Variants in CTNND2 observed in about 807,000 individuals in gnomAD.
The protein encoded by CTNND2 is catenin delta-2.
A neutral mutation model predicts 144.4 loss-of-function variants in CTNND2; 22 were observed. That is an observed-to-expected ratio of 0.15 (90% CI 0.11 to 0.22). The LOEUF (loss-of-function observed/expected upper bound fraction) is 0.22, where lower values mean the gene tolerates loss of function less well. Among genes scored for constraint, CTNND2 ranks in the 10% least tolerant of loss-of-function variants. The probability of loss-of-function intolerance (pLI) is 1.00; values close to 1 mark genes in which losing one functional copy is unlikely to be tolerated. For synonymous variants in CTNND2, 751 were observed against 695.6 expected (o/e 1.08, Z -1.25); for missense variants, 1,353 against 1,618.8 (o/e 0.84, Z 2.82).
At chr5:11,590,615 G>A (rs1413168221) in intron 2 of CTNND2, among the ~76,000 whole-genome samples, 1 of 151,190 alleles carries the variant, frequency 6.6e-6, no homozygotes, top group Non-Finnish European at 1.5e-5. Context: ...CTGCCCTTGT[G>A]ACAATACACC....
At chr5:11,145,221 G>A (rs562670478) in intron 12 of CTNND2, among the ~76,000 whole-genome samples, 1 of 152,180 alleles carries the variant, frequency 6.6e-6, no homozygotes, top group African/African-American at 2.4e-5. Context: ...TTGTGCCGAA[G>A]AATATTTTAA....
chr5:11,267,581 A>G (rs1745578778), intron 9 of CTNND2, among the ~76,000 whole-genome samples: 1 of 152,196 alleles, frequency 6.6e-6, no homozygotes, highest in Non-Finnish European at 1.5e-5. Flanking sequence ...CCTGTTAACA[A>G]CGAGGGAACC....
At chr5:11,695,178 A>G (rs1479594719) in intron 2 of CTNND2, among the ~76,000 whole-genome samples, 1 of 152,234 alleles carries the variant, frequency 6.6e-6, no homozygotes, top group East Asian at 1.9e-4. Flanking sequence ...GGCTGGAAGA[A>G]GAGGGATCAC....
rs150827493 is a variant in CTNND2, at chr5:11,726,117, A to G, written c.174+6019T>C. Among the ~76,000 whole-genome samples the G allele has an allele frequency of 1.8e-3, 275 of 152,254 alleles. 4 individuals are homozygous for G. The highest frequency in any genetic ancestry group is 6.4e-3 in the African/African-American group (265 of 41,552). On this transcript the variant is annotated intron_variant, in intron 2 of 21. Coordinates refer to ENST00000304623, the MANE Select transcript of CTNND2 (RefSeq NM_001332.4). The stretch of plus-strand genomic sequence containing the variant: ...TCTTTTTTTTTCAAACCTTTGCTCC[A>G]GGCAGTGTCTGTCAAAGCAGACCCA...
chr5:11,882,991 A>G (rs1013961411), intron 1 of CTNND2, among the ~76,000 whole-genome samples: 1 of 151,998 alleles, frequency 6.6e-6, no homozygotes, highest in Non-Finnish European at 1.5e-5. Context: ...TCTTTCATCA[A>G]TATTTTATAG....
intron 9 of CTNND2, among the ~76,000 whole-genome samples, chr5:11,311,291 CACAT>C (rs1750816010): frequency 8.3e-6 from 1 of 119,906 alleles, no homozygotes; most frequent in Non-Finnish European, 1.7e-5. Context: ...ACCTCACATG[CACAT>C]ACACTCTCAT....
chr5:11,608,386 G>A (rs763080309), intron 2 of CTNND2, among the ~76,000 whole-genome samples: 14 of 152,030 alleles, frequency 9.2e-5, no homozygotes, highest in Non-Finnish European at 1.3e-4. Context: ...ACTTCTCTAA[G>A]TTCACACACC....
intron 2 of CTNND2, among the ~76,000 whole-genome samples, chr5:11,625,389 ATCTC>A (rs57148533): frequency 0.027 from 3,753 of 140,368 alleles, 154 homozygotes; most frequent in African/African-American, 0.092. Flanking sequence ...AAACAGAAAA[ATCTC>A]TCTCTCTCTC....
chr5:11,881,428 C>T (rs547137815), intron 1 of CTNND2, among the ~76,000 whole-genome samples: 1 of 152,138 alleles, frequency 6.6e-6, no homozygotes, highest in African/African-American at 2.4e-5. Flanking sequence ...CTCAGTATCC[C>T]TCCCTCCCCA....
intron 3 of CTNND2, among the ~76,000 whole-genome samples, chr5:11,561,063 A>G (rs911279991): frequency 2.6e-5 from 4 of 152,186 alleles, no homozygotes; most frequent in Non-Finnish European, 5.9e-5. Flanking sequence ...AAGCTGCCGG[A>G]TAACACCTCA....
At chr5:11,494,342 T>C (rs1315434580) in intron 3 of CTNND2, among the ~76,000 whole-genome samples, 2 of 152,150 alleles carry the variant, frequency 1.3e-5, no homozygotes, top group African/African-American at 2.4e-5. Context: ...GTAACAGACA[T>C]TTTTTGAAGT....
At chr5:11,769,251 T>C (rs1278293610) in intron 1 of CTNND2, among the ~76,000 whole-genome samples, 1 of 152,082 alleles carries the variant, frequency 6.6e-6, no homozygotes, top group Non-Finnish European at 1.5e-5. Flanking sequence ...GGGAACTTTA[T>C]GGGGTGCAAA....
intron 1 of CTNND2, among the ~76,000 whole-genome samples, chr5:11,805,218 C>T (rs572250988): frequency 6.6e-6 from 1 of 152,212 alleles, no homozygotes; most frequent in Non-Finnish European, 1.5e-5. Context: ...TAGAGTTGGA[C>T]ACATCACTGT....
intron 11 of CTNND2, among the ~76,000 whole-genome samples, chr5:11,183,919 C>A (rs1580521536): frequency 6.6e-6 from 1 of 152,250 alleles, no homozygotes; most frequent in Admixed American, 6.5e-5. Flanking sequence ...GTCCCTCCCT[C>A]TTTCTCTTTC....
At chr5:11,714,834 G>A (rs886949261) in intron 2 of CTNND2, among the ~76,000 whole-genome samples, 2 of 151,632 alleles carry the variant, frequency 1.3e-5, no homozygotes, top group African/African-American at 4.9e-5. Flanking sequence ...GCATGAACCC[G>A]GGAGGCGAAC....
At chr5:11,421,919 C>T (rs1404974490) in intron 3 of CTNND2, among the ~76,000 whole-genome samples, 1 of 152,190 alleles carries the variant, frequency 6.6e-6, no homozygotes, top group African/African-American at 2.4e-5. Flanking sequence ...AGAGATATCA[C>T]TAGAATTTTT....
At chr5:11,587,793 A>T (rs1278973167) in intron 2 of CTNND2, among the ~76,000 whole-genome samples, 6 of 152,148 alleles carry the variant, frequency 3.9e-5, no homozygotes, top group Non-Finnish European at 8.8e-5. Flanking sequence ...CCGCACTCAC[A>T]ATTCTACAAG....
intron 3 of CTNND2, among the ~76,000 whole-genome samples, chr5:11,415,475 G>A (rs1581146437): frequency 6.6e-6 from 1 of 152,034 alleles, no homozygotes; most frequent in East Asian, 1.9e-4. Flanking sequence ...GTTTGTTGGT[G>A]CGTGCCTCTA....
chr5:11,318,845 A>T (rs1381065566), intron 9 of CTNND2, among the ~76,000 whole-genome samples: 1 of 152,080 alleles, frequency 6.6e-6, no homozygotes, highest in Non-Finnish European at 1.5e-5. Flanking sequence ...CAGTCACAAC[A>T]CATGCAACCA....
Sources: gnomAD v4.1 joint callset for allele counts (sites outside exome capture counted in the v4.1 genomes callset) on GRCh38, gnomAD v4.1.1 for gene constraint, MANE v1.5 for transcripts, NCBI Gene and HGNC (gene_info 2026-07-23, HGNC 2026-07-21) for gene names.